The following GRIA2 variants were observed in gnomAD, a reference collection of about 807,000 sequenced individuals.
GRIA2 encodes glutamate ionotropic receptor AMPA type subunit 2.
Under a neutral mutation model 97.3 loss-of-function variants are expected in GRIA2, and 14 were observed. The observed-to-expected ratio is 0.14, with a 90% CI of 0.10 to 0.23. The LOEUF is 0.23. GRIA2 is among the 10% of genes least tolerant of loss of function. The pLI is 1.00. For synonymous variants in GRIA2, 412 were observed against 387.8 expected (o/e 1.06, Z -0.73); for missense variants, 558 against 1,069.8 (o/e 0.52, Z 6.67).
At chr4:157,340,463 C>T (rs1240798149) in intron 11 of GRIA2, among the ~76,000 whole-genome samples, 1 of 151,782 alleles carries the variant, frequency 6.6e-6, no homozygotes, top group Non-Finnish European at 1.5e-5. Context: ...CTTTTAAAAA[C>T]TATTTTATGT....
intron 11 of GRIA2, 49 bp downstream of exon 11, chr4:157,336,796 A>G (rs758183373): frequency 6.4e-7 from 1 of 1,557,274 alleles, no homozygotes; most frequent in Non-Finnish European, 8.7e-7. Context: ...TCTCAAGTGG[A>G]CATTCATGGT....
intron 2 of GRIA2, among the ~76,000 whole-genome samples, chr4:157,283,279 C>T (rs1052184308): frequency 3.3e-5 from 5 of 151,884 alleles, no homozygotes; most frequent in African/African-American, 1.2e-4. Context: ...GATTGTCGGA[C>T]TTTGCAGACC....
intron 2 of GRIA2, among the ~76,000 whole-genome samples, chr4:157,222,072 C>T (rs1346443479): frequency 6.6e-6 from 1 of 152,052 alleles, no homozygotes; most frequent in African/African-American, 2.4e-5. Flanking sequence ...GGGTTGGAGC[C>T]AGGGAGGGCG....
intron 2 of GRIA2, among the ~76,000 whole-genome samples, chr4:157,275,462 G>C (rs1387175658): frequency 6.6e-6 from 1 of 152,118 alleles, no homozygotes; most frequent in Non-Finnish European, 1.5e-5. Context: ...GACCTGAATG[G>C]TATTGCCTAG....
rs1390138853 is a variant in GRIA2 at position 157,355,916 on chromosome 4, A to T, written c.2044-3980A>T. Among the ~76,000 whole-genome samples, 114 of 26,066 alleles carry T rather than the reference A, an allele frequency of 4.4e-3. 7 individuals carry two copies. Among genetic ancestry groups the T allele is most frequent in the Non-Finnish European group, 0.011 (99 of 8,628 alleles). 17.1% of individuals were successfully genotyped at this position (26,066 alleles called of 152,430 possible). On this transcript the variant is annotated intron_variant, in intron 12 of 15. Transcript: ENST00000264426. ...ATTTATATATAAATATATATATATT[A>T]ATATATTTATATATATTTATATATT...
chr4:157,248,582 C>CGT (rs1234147294), intron 2 of GRIA2, among the ~76,000 whole-genome samples: 5 of 82,910 alleles, frequency 6.0e-5, no homozygotes, highest in Admixed American at 1.2e-4. Context: ...TATATATATA[C>CGT]GTGTATATAT....
At chr4:157,307,856 A>G (rs972771842) in intron 3 of GRIA2, among the ~76,000 whole-genome samples, 1 of 152,246 alleles carries the variant, frequency 6.6e-6, no homozygotes, top group Admixed American at 6.5e-5. Flanking sequence ...CATCATGCAT[A>G]GAACAAAAAT....
At chr4:157,278,436 G>A (rs1455505346) in intron 2 of GRIA2, among the ~76,000 whole-genome samples, 1 of 151,924 alleles carries the variant, frequency 6.6e-6, no homozygotes, top group East Asian at 1.9e-4. Flanking sequence ...AAAAGAACCT[G>A]TGACACATAT....
chr4:157,317,653 AT>A lies in GRIA2; in HGVS notation c.667-3del. On this transcript the variant is annotated splice_polypyrimidine_tract_variant and splice_region_variant and intron_variant, in intron 4 of 15. Transcript: ENST00000264426. The stretch of plus-strand genomic sequence containing the variant: ...ATTAAATAATTACTTATTTGTGCTT[AT>A]TAGGTTATTACCATTGGAAAACATG... 1 of 1,059,546 alleles carries A rather than the reference AT, an allele frequency of 9.4e-7. No homozygotes were observed. Among genetic ancestry groups the A allele is most frequent in the Non-Finnish European group, 1.4e-6 (1 of 690,214 alleles). The allele number at this position is 1,059,546 out of a possible 1,614,324, so 65.6% of individuals were successfully genotyped here. A position where few individuals can be genotyped will look rare whatever the true frequency, so the allele number is the denominator to read the frequency against.
At chr4:157,352,146 T>C (rs1387531936) in intron 12 of GRIA2, among the ~76,000 whole-genome samples, 4 of 152,228 alleles carry the variant, frequency 2.6e-5, no homozygotes, top group Non-Finnish European at 5.9e-5. Flanking sequence ...CTCTAAGTTT[T>C]ATAATATTGT....
At chr4:157,321,713 AT>A (rs2126906244) in intron 6 of GRIA2, 114 bp downstream of exon 6, 1 of 665,566 alleles carries the variant, frequency 1.5e-6, no homozygotes, top group East Asian at 2.7e-5. Context: ...ACGTTTCAAA[AT>A]ATGGCAAACA....
chr4:157,246,768 G>T (rs1305657070), intron 2 of GRIA2, among the ~76,000 whole-genome samples: 2 of 152,042 alleles, frequency 1.3e-5, no homozygotes, highest in Non-Finnish European at 2.9e-5. Flanking sequence ...TCTTAGAGTT[G>T]ATTTTTCTTC....
chr4:157,262,019 G>A (rs1731558237), intron 2 of GRIA2, among the ~76,000 whole-genome samples: 1 of 152,030 alleles, frequency 6.6e-6, no homozygotes. Context: ...CCCTCTTGCT[G>A]GGAAATATAA....
chr4:157,355,334 C>T (rs1736198755), intron 12 of GRIA2, among the ~76,000 whole-genome samples: 1 of 151,992 alleles, frequency 6.6e-6, no homozygotes, highest in South Asian at 2.1e-4. Flanking sequence ...TCAAGACCAG[C>T]CTGGCCAACA....
At chr4:157,329,530 C>T (rs80263474) in intron 6 of GRIA2, among the ~76,000 whole-genome samples, 10,038 of 151,842 alleles carry the variant, frequency 0.066, 369 homozygotes, top group Middle Eastern at 0.11. Context: ...ACTGTTATTG[C>T]GGGATTTCTG....
chr4:157,334,217 T>C (rs1735186094), intron 9 of GRIA2, 97 bp downstream of exon 9: 4 of 690,936 alleles, frequency 5.8e-6, no homozygotes, highest in Non-Finnish European at 1.1e-5. Context: ...ATATCTGTTT[T>C]GCTTCTTTTG....
chr4:157,350,327 T>C (rs1034076545), intron 12 of GRIA2, among the ~76,000 whole-genome samples: 2 of 152,160 alleles, frequency 1.3e-5, no homozygotes, highest in Non-Finnish European at 2.9e-5. Context: ...TATATTTTAA[T>C]TGCAAGTTTG....
rs543550185 is a variant in GRIA2 at position 157,355,970 on chromosome 4, A to T, written c.2044-3926A>T. On this transcript the variant is annotated intron_variant, in intron 12 of 15. Coordinates refer to ENST00000264426, the MANE Select transcript of GRIA2 (RefSeq NM_001083619.3). Reference sequence around the variant, plus strand: ...ATATATTTATATATTTATGTATATTAATATATATATTTATATATTTATATA... The same window carrying T: ...ATATATTTATATATTTATGTATATTTATATATATATTTATATATTTATATA... Among the ~76,000 whole-genome samples, 130 of 4,202 alleles carry T rather than the reference A, an allele frequency of 0.031. 4 individuals carry two copies. The East Asian group carries it at 0.42, about 13-fold the overall frequency. 2.8% of individuals were successfully genotyped at this position (4,202 alleles called of 152,430 possible). A position where few individuals can be genotyped will look rare whatever the true frequency, so the allele number is the denominator to read the frequency against.
chr4:157,341,780 A>G (rs573888750), intron 12 of GRIA2, among the ~76,000 whole-genome samples: 3 of 152,260 alleles, frequency 2.0e-5, no homozygotes, highest in South Asian at 4.1e-4. Context: ...TTTCAGCAAA[A>G]CATCTTATTT....
Sources: allele counts gnomAD v4.1 joint callset (sites outside exome capture counted in the v4.1 genomes callset), GRCh38; gene constraint gnomAD v4.1.1; transcripts MANE v1.5; gene names NCBI Gene and HGNC (gene_info 2026-07-23, HGNC 2026-07-21).